Variants in KIAA0825 observed in about 807,000 individuals in gnomAD.
KIAA0825 encodes uncharacterized protein KIAA0825.
A neutral mutation model predicts 147.6 loss-of-function variants in KIAA0825; 119 were observed. That is an observed-to-expected ratio of 0.81 (90% CI 0.69 to 0.94). KIAA0825 has a LOEUF of 0.94. Among genes scored for constraint, KIAA0825 ranks in the 40% least tolerant of loss-of-function variants. The probability of loss-of-function intolerance (pLI) is 0.00; values close to 1 mark genes in which losing one functional copy is unlikely to be tolerated. For missense variants in KIAA0825, 1,381 were observed against 1,472.7 expected (o/e 0.94, Z 1.02); for synonymous variants, 470 against 518.1 (o/e 0.91, Z 1.26).
At chr5:94,419,736 G>A (rs919470561) in intron 14 of KIAA0825, among the ~76,000 whole-genome samples, 2 of 152,120 alleles carry the variant, frequency 1.3e-5, no homozygotes, top group Admixed American at 6.5e-5. Flanking sequence ...TTTTGTTGGC[G>A]GGGAGAAGAT....
At chr5:94,565,583 C>T (rs1778567967) in intron 2 of KIAA0825, among the ~76,000 whole-genome samples, 1 of 151,960 alleles carries the variant, frequency 6.6e-6, no homozygotes, top group South Asian at 2.1e-4. Context: ...CTCAAGTGAT[C>T]CACCCCCGTC....
chr5:94,617,635 A>G (rs1425660192), intron 1 of KIAA0825, among the ~76,000 whole-genome samples: 1 of 152,156 alleles, frequency 6.6e-6, no homozygotes, highest in East Asian at 1.9e-4. Flanking sequence ...GTAATTATCT[A>G]AATATAAGGT....
chr5:94,320,479 C>T (rs925522981), intron 20 of KIAA0825, among the ~76,000 whole-genome samples: 1 of 151,858 alleles, frequency 6.6e-6, no homozygotes, highest in South Asian at 2.1e-4. Flanking sequence ...CATCCACCCC[C>T]CTCACCACCA....
At chr5:94,180,832 T>G (rs1025187216) in intron 20 of KIAA0825, among the ~76,000 whole-genome samples, 1 of 152,218 alleles carries the variant, frequency 6.6e-6, no homozygotes, top group Admixed American at 6.5e-5. Flanking sequence ...ATATTAAACA[T>G]GTTTCAGTGG....
intron 20 of KIAA0825, among the ~76,000 whole-genome samples, chr5:94,175,592 CCCTGTATTCT>C (rs1769018862): frequency 6.6e-6 from 1 of 152,132 alleles, no homozygotes; most frequent in Non-Finnish European, 1.5e-5. Context: ...TACAGCATTC[CCCTGTATTCT>C]CCTGTTCTAA....
At chr5:94,563,695 T>C (rs1778014313) in intron 2 of KIAA0825, among the ~76,000 whole-genome samples, 1 of 152,134 alleles carries the variant, frequency 6.6e-6, no homozygotes. Context: ...ATTTTTTTTA[T>C]GTTTTTTGAG....
chr5:94,161,991 C>T (rs1422064144), intron 20 of KIAA0825, among the ~76,000 whole-genome samples: 1 of 152,140 alleles, frequency 6.6e-6, no homozygotes, highest in African/African-American at 2.4e-5. Flanking sequence ...CAAGCTGAGG[C>T]CACTTAATTC....
chr5:94,488,686 G>A (rs1012239786), intron 5 of KIAA0825, among the ~76,000 whole-genome samples: 2 of 151,926 alleles, frequency 1.3e-5, no homozygotes, highest in African/African-American at 4.8e-5. Context: ...TTATTTCTAT[G>A]CCACACTCAG....
intron 14 of KIAA0825, among the ~76,000 whole-genome samples, chr5:94,417,742 T>A: frequency 6.6e-6 from 1 of 152,152 alleles, no homozygotes; most frequent in East Asian, 1.9e-4. Context: ...CTAAAAAAAT[T>A]TTTTTGTAAT....
intron 20 of KIAA0825, among the ~76,000 whole-genome samples, chr5:94,199,793 G>A (rs934539387): frequency 6.6e-6 from 1 of 152,190 alleles, no homozygotes; most frequent in African/African-American, 2.4e-5. Flanking sequence ...CTGCAGCAAA[G>A]TGCGCACCAG....
At chr5:94,369,989 A>G (rs530627199) in intron 20 of KIAA0825, among the ~76,000 whole-genome samples, 4 of 152,204 alleles carry the variant, frequency 2.6e-5, no homozygotes, top group Admixed American at 6.5e-5. Flanking sequence ...TCCCACTCCT[A>G]GGTACTATCC....
At chr5:94,310,952 A>G (rs1339711292) in intron 20 of KIAA0825, among the ~76,000 whole-genome samples, 2 of 151,732 alleles carry the variant, frequency 1.3e-5, no homozygotes, top group Non-Finnish European at 3.0e-5. Flanking sequence ...AAGACATATA[A>G]CATCCATGTA....
chr5:94,294,177 C>G (rs1219583413), intron 20 of KIAA0825, among the ~76,000 whole-genome samples: 1 of 152,084 alleles, frequency 6.6e-6, no homozygotes, highest in Non-Finnish European at 1.5e-5. Flanking sequence ...CATTATGATG[C>G]TAGCTGGTTA....
At chr5:94,610,527 G>A (rs1788524178) in intron 1 of KIAA0825, among the ~76,000 whole-genome samples, 1 of 150,224 alleles carries the variant, frequency 6.7e-6, no homozygotes, top group Non-Finnish European at 1.5e-5. Context: ...ACTTTGGGAG[G>A]CTGAGGCAGG....
intron 1 of KIAA0825, among the ~76,000 whole-genome samples, chr5:94,597,165 G>A (rs1302051256): frequency 6.6e-6 from 1 of 152,086 alleles, no homozygotes; most frequent in Non-Finnish European, 1.5e-5. Context: ...CAGTTTTTAA[G>A]GGGAATGCTC....
intron 5 of KIAA0825, among the ~76,000 whole-genome samples, chr5:94,511,430 GA>G (rs924436932): frequency 3.9e-5 from 6 of 152,310 alleles, no homozygotes; most frequent in African/African-American, 1.4e-4. Context: ...AGACCAGCCT[GA>G]CCAACATGGG....
At chr5:94,384,640 T>C (rs1748899496) in intron 19 of KIAA0825, among the ~76,000 whole-genome samples, 182 bp from the exon 20 acceptor site, 1 of 152,194 alleles carries the variant, frequency 6.6e-6, no homozygotes, top group Non-Finnish European at 1.5e-5. Flanking sequence ...AAGACGGCAA[T>C]TAATTTATAA....
At chr5:94,240,062 T>C (rs1386629522) in intron 20 of KIAA0825, among the ~76,000 whole-genome samples, 1 of 152,218 alleles carries the variant, frequency 6.6e-6, no homozygotes, top group Admixed American at 6.5e-5. Context: ...ATAATGAAAA[T>C]GCACTTTGCA....
chr5:94,159,639 T>C (rs1338202469), intron 20 of KIAA0825, among the ~76,000 whole-genome samples: 1 of 152,168 alleles, frequency 6.6e-6, no homozygotes, highest in African/African-American at 2.4e-5. Flanking sequence ...GTGTTGTCAT[T>C]CCCTCTTGTT....
Sources: gnomAD v4.1 joint callset for allele counts (sites outside exome capture counted in the v4.1 genomes callset) on GRCh38, gnomAD v4.1.1 for gene constraint, MANE v1.5 for transcripts, NCBI Gene and HGNC (gene_info 2026-07-23, HGNC 2026-07-21) for gene names.